LPCAT1: variants seen among roughly 807,000 people sequenced by gnomAD.
LPCAT1 encodes the protein lysophosphatidylcholine acyltransferase 1, also known as 1-acylglycerol-3-phosphate O-acyltransferase.
LPCAT1 carries 23 observed loss-of-function variants against 60.9 expected under a neutral mutation model. The ratio of observed to expected loss-of-function variants is 0.38; its 90% confidence interval spans 0.27 to 0.53. The LOEUF (loss-of-function observed/expected upper bound fraction) is 0.53, where lower values mean the gene tolerates loss of function less well. LPCAT1 is among the 20% of genes least tolerant of loss of function. The pLI is 0.82. For synonymous variants in LPCAT1, 340 were observed against 301.1 expected (o/e 1.13, Z -1.34); for missense variants, 622 against 723.6 (o/e 0.86, Z 1.61).
chr5:1,503,089 G>A (rs1736075050), intron 1 of LPCAT1, among the ~76,000 whole-genome samples: 4 of 152,144 alleles, frequency 2.6e-5, no homozygotes, highest in African/African-American at 4.8e-5. Context: ...CCCTGTCAGT[G>A]CCCAGTGGTC....
intron 1 of LPCAT1, among the ~76,000 whole-genome samples, chr5:1,518,514 G>C (rs903843129): frequency 1.3e-5 from 2 of 152,184 alleles, no homozygotes; most frequent in African/African-American, 4.8e-5. Context: ...CTAATTTTTT[G>C]TATTTTTAGT....
intron 1 of LPCAT1, among the ~76,000 whole-genome samples, chr5:1,513,690 C>A (rs578145302): frequency 6.6e-5 from 10 of 150,938 alleles, no homozygotes; most frequent in African/African-American, 2.5e-4. Flanking sequence ...GGGCGGGACA[C>A]CCTGCGATTA....
chr5:1,463,629 C>A lies in LPCAT1; in HGVS notation c.*22G>T, dbSNP rs377406018. The A allele has an allele frequency of 6.2e-7, 1 of 1,612,438 alleles. No homozygotes were observed. Among genetic ancestry groups the A allele is most frequent in the Non-Finnish European group, 8.5e-7 (1 of 1,179,540 alleles). On this transcript the variant is annotated 3_prime_UTR_variant, in exon 14 of 14. Coordinates refer to ENST00000283415, the MANE Select transcript of LPCAT1 (RefSeq NM_024830.5). Reference sequence around the variant, plus strand: ...GGTGATGTCCACGCGGGAGGGGCCGCGTCTCTCCGCAACCCTGGGTCCTAA... The same window carrying A: ...GGTGATGTCCACGCGGGAGGGGCCGAGTCTCTCCGCAACCCTGGGTCCTAA...
chr5:1,499,489 C>T (rs1735926997), intron 2 of LPCAT1, among the ~76,000 whole-genome samples: 1 of 152,244 alleles, frequency 6.6e-6, no homozygotes, highest in South Asian at 2.1e-4. Flanking sequence ...CCTTGATTTA[C>T]TTTGCTTGGT....
rs13359010 is a variant in LPCAT1 at position 1,487,067 on chromosome 5, G to A, written c.667+1324C>T. ...AGGGCAAGGCGATGGCCCTCCCCAGGGGCCTCCCTGCAGGCACGAGGCTCC... is the reference window on the plus strand; with the variant it reads ...AGGGCAAGGCGATGGCCCTCCCCAGAGGCCTCCCTGCAGGCACGAGGCTCC... On this transcript the variant is annotated intron_variant, in intron 5 of 13. Transcript: ENST00000283415. This position sits in a 1 kb window ranked among gnomAD's most constrained non-coding sequence, Gnocchi z 6.1. Among the ~76,000 whole-genome samples, 7,587 of 152,258 alleles carry A rather than the reference G, an allele frequency of 0.05. 599 individuals carry two copies. The highest frequency in any genetic ancestry group is 0.17 in the African/African-American group (7,154 of 41,534).
chr5:1,466,946 G>T (rs895963378), intron 12 of LPCAT1, 56 bp from the exon 13 acceptor site: 2 of 1,455,724 alleles, frequency 1.4e-6, no homozygotes, highest in African/African-American at 2.9e-5. Flanking sequence ...ACCAGGCCCC[G>T]CTGTCCAGGG....
At chr5:1,507,640 C>A (rs745324351) in intron 1 of LPCAT1, among the ~76,000 whole-genome samples, 2 of 152,284 alleles carry the variant, frequency 1.3e-5, no homozygotes, top group South Asian at 4.1e-4. Context: ...CGAGCGCTCA[C>A]GCCTGCAGTC....
chr5:1,466,858 G>A lies in LPCAT1; in HGVS notation c.1311C>T (p.Gly437=). ...TGAGGATGCAGGACAGGTCACCTTCGCCGACGCTGCCGTCCTCTTGCGCTC... is the reference window on the plus strand; with the variant it reads ...TGAGGATGCAGGACAGGTCACCTTCACCGACGCTGCCGTCCTCTTGCGCTC... The part of the protein sequence containing the change: ...MYGAQEDGSV[G]EGDLSCILKT... The change falls in exon 13 of 14, where the codon GGC becomes GGT. Residue 437 remains glycine (G), a synonymous_variant. Coordinates refer to ENST00000283415, the MANE Select transcript of LPCAT1 (RefSeq NM_024830.5). 6.2e-7 allele frequency: 1 copy of A among 1,608,588 alleles called. No homozygotes were observed. Among genetic ancestry groups the A allele is most frequent in the Non-Finnish European group, 8.5e-7 (1 of 1,176,778 alleles).
chr5:1,515,012 G>T (rs979329143), intron 1 of LPCAT1, among the ~76,000 whole-genome samples: 1 of 152,212 alleles, frequency 6.6e-6, no homozygotes, highest in Non-Finnish European at 1.5e-5. Flanking sequence ...TCTGCAGAAA[G>T]CCAGTGGGGC....
At chr5:1,511,203 C>T (rs562050095) in intron 1 of LPCAT1, among the ~76,000 whole-genome samples, 4 of 152,342 alleles carry the variant, frequency 2.6e-5, no homozygotes, top group East Asian at 1.9e-4. Context: ...CGACTGCGAC[C>T]GCACAGCTCC....
intron 11 of LPCAT1, 34 bp from the exon 12 acceptor site, chr5:1,470,958 CCGCCTTCGGCA>C (rs1433916461): frequency 6.3e-7 from 1 of 1,589,706 alleles, no homozygotes; most frequent in Admixed American, 1.7e-5. Flanking sequence ...CACAGCTCGG[CCGCCTTCGGCA>C]CTGGAGAAAC....
Position 1,483,456 on chromosome 5 carries a change from G to T in LPCAT1, c.698C>A (p.Pro233His), listed in dbSNP as rs1425727632. ...GAFIPGAPVQPVVLRYPNKLD... is the reference protein window; with the variant it reads ...GAFIPGAPVQHVVLRYPNKLD... ...TTTATTTGGATATCGTAAAACCACA[G>T]GCTGGACGGGCGCTCCAGGGATGAA... Residue 233 changes from proline to histidine, a missense_variant, in exon 6 of 14, where the codon CCT (proline) becomes CAT (histidine). Around this residue, in one of 3 missense-constraint regions of LPCAT1, gnomAD observed 209 missense variants for 325.5 expected, o/e 0.64. Coordinates refer to ENST00000283415, the MANE Select transcript of LPCAT1 (RefSeq NM_024830.5). This position sits in a 1 kb window ranked among gnomAD's most constrained non-coding sequence, Gnocchi z 9.2. The T allele has an allele frequency of 6.2e-7, 1 of 1,613,744 alleles. No homozygotes were observed.
chr5:1,494,951 C>T, intron 2 of LPCAT1, 37 bp from the exon 3 acceptor site: 1 of 1,544,048 alleles, frequency 6.5e-7, no homozygotes, highest in African/African-American at 1.4e-5. Context: ...GGGCACACGT[C>T]CGCAGTCTCG....
At position 1,481,697 on chromosome 5, in the gene LPCAT1, T is replaced by G. The variant is rs141836779; in HGVS notation, c.727-721A>C. 2.0e-3 allele frequency among the ~76,000 whole-genome samples: 306 copies of G among 152,396 alleles called. 1 individual carries two copies. Among genetic ancestry groups the G allele is most frequent in the Middle Eastern group, 6.8e-3 (2 of 294 alleles). On this transcript the variant is annotated intron_variant, in intron 6 of 13. Coordinates refer to ENST00000283415, the MANE Select transcript of LPCAT1 (RefSeq NM_024830.5). This position sits in a 1 kb window ranked among gnomAD's most constrained non-coding sequence, Gnocchi z 7.8. Reference sequence around the variant, plus strand: ...TGACTGCACAGATCGGAGTCTGTTGTCCTCGGGTTGACTTTTTTGCCCACA... The same window carrying G: ...TGACTGCACAGATCGGAGTCTGTTGGCCTCGGGTTGACTTTTTTGCCCACA...
intron 2 of LPCAT1, among the ~76,000 whole-genome samples, chr5:1,498,701 ATG>A (rs1462118899): frequency 2.0e-5 from 3 of 152,144 alleles, no homozygotes; most frequent in Non-Finnish European, 2.9e-5. Flanking sequence ...ACGTACATGT[ATG>A]TGCACACGAT....
intron 13 of LPCAT1, among the ~76,000 whole-genome samples, chr5:1,465,190 C>T (rs375735784): frequency 0.027 from 3,898 of 146,830 alleles, 172 homozygotes; most frequent in African/African-American, 0.094. Context: ...CAAGCGCACG[C>T]GCACACAGTA....
chr5:1,497,492 C>T (rs999533086), intron 2 of LPCAT1, among the ~76,000 whole-genome samples: 18 of 152,240 alleles, frequency 1.2e-4, no homozygotes, highest in African/African-American at 3.1e-4. Flanking sequence ...GTGCTGGCTA[C>T]GGTGCCAGGC....
intron 1 of LPCAT1, among the ~76,000 whole-genome samples, chr5:1,511,307 C>T (rs896681336): frequency 6.6e-6 from 1 of 152,172 alleles, no homozygotes; most frequent in Non-Finnish European, 1.5e-5. Context: ...CTGTAGCAGA[C>T]GTGGCATCAG....
At chr5:1,475,985 G>T (rs896631457) in intron 9 of LPCAT1, among the ~76,000 whole-genome samples, 5 of 152,220 alleles carry the variant, frequency 3.3e-5, no homozygotes, top group Non-Finnish European at 7.3e-5. Context: ...CGGCCCTGAT[G>T]TGATGAAACA....
Sources: allele counts gnomAD v4.1 joint callset (sites outside exome capture counted in the v4.1 genomes callset), GRCh38; gene constraint gnomAD v4.1.1; regional missense constraint gnomAD v4.1.1; non-coding constraint Gnocchi (gnomAD v3.1); transcripts MANE v1.5; gene names NCBI Gene and HGNC (gene_info 2026-07-23, HGNC 2026-07-21).